The following RPS6KA6 variants were observed in gnomAD, a reference collection of about 807,000 sequenced individuals.
RPS6KA6 encodes ribosomal protein S6 kinase A6.
A neutral mutation model predicts 65.4 loss-of-function variants in RPS6KA6; 27 were observed. The observed-to-expected ratio is 0.41, with a 90% CI of 0.30 to 0.57. RPS6KA6 has a LOEUF of 0.57. RPS6KA6 is among the 20% of genes least tolerant of loss of function. The probability of loss-of-function intolerance (pLI) is 0.24; values close to 1 mark genes in which losing one functional copy is unlikely to be tolerated. For synonymous variants in RPS6KA6, 190 were observed against 184.2 expected, an observed-to-expected ratio of 1.03 and a Z score of -0.26; for missense variants, 486 against 555.6, an observed-to-expected ratio of 0.87 and a Z score of 1.26.
In RPS6KA6 at chrX:84,065,066, T is replaced by C. The variant is rs1473184881; in HGVS notation, c.2017A>G (p.Thr673Ala). ...GAGTGCTTTAATATTTGTTCAGCAGTATACCGCTGATGTGGGTCCATATGA... is the reference window on the plus strand; with the variant it reads ...GAGTGCTTTAATATTTGTTCAGCAGCATACCGCTGATGTGGGTCCATATGA... ...MLHMDPHQRY[T>A]AEQILKHSWI... Residue 673 changes from threonine to alanine, a missense_variant, in exon 21 of 22, where the codon ACT (threonine) becomes GCT (alanine). By Grantham distance (58) the Thr-to-Ala change is moderately conservative. This residue lies in a region of RPS6KA6 where 345 missense variants were observed against 375.0 expected (regional missense o/e 0.92). Transcript: ENST00000262752. 2.5e-6 allele frequency: 3 copies of C among 1,204,654 alleles called. No homozygotes were observed. The Admixed American group carries it at 6.5e-5, about 26-fold the overall frequency.
At chrX:84,092,890 C>G (rs1018160831) in intron 20 of RPS6KA6, among the ~76,000 whole-genome samples, 4 of 111,614 alleles carry the variant, frequency 3.6e-5, no homozygotes, top group Non-Finnish European at 7.5e-5. Flanking sequence ...CTCAGGTTCA[C>G]TGAAGCATTA....
At chrX:84,087,967 G>GTTGTGAAGTTCTTGTGTT (rs1243689573) in intron 20 of RPS6KA6, among the ~76,000 whole-genome samples, 1 of 111,558 alleles carries the variant, frequency 9.0e-6, no homozygotes, top group Non-Finnish European at 1.9e-5. Context: ...TTGTGATTAC[G>GTTGTGAAGTTCTTGTGTT]TTGTGAAGTT....
At chrX:84,159,896 G>A (rs188492613) in intron 2 of RPS6KA6, among the ~76,000 whole-genome samples, 10 of 110,506 alleles carry the variant, frequency 9.0e-5, no homozygotes, top group African/African-American at 2.6e-4. Context: ...GGCACAAGGA[G>A]AAGACTCATC....
At position 84,116,235 on chromosome X, in the gene RPS6KA6, G is replaced by A. The variant is rs1170990958; in HGVS notation, c.1002C>T (p.Asp334=). The part of the protein sequence containing the change: ...IKRHLFFANI[D]WDKLYKREVQ... ...AGCTTTCTACTTAACTTACATCCCA[G>A]TCAATATTTGCAAAAAACAGATGTC... is the stretch of plus-strand genomic sequence containing the variant. Residue 334 remains aspartate, a synonymous_variant, in exon 12 of 22, where the codon GAC becomes GAT. Coordinates refer to ENST00000262752, the MANE Select transcript of RPS6KA6 (RefSeq NM_014496.5). 30 of 1,127,220 alleles carry A rather than the reference G, an allele frequency of 2.7e-5. No homozygotes were observed. In the Admixed American group the frequency reaches 7.0e-4, roughly 26 times the overall value. The allele number at this position is 1,127,220 out of a possible 1,213,427, so 92.9% of individuals were successfully genotyped here.
chrX:84,116,306 A>T lies in RPS6KA6; in HGVS notation c.950-19T>A, dbSNP rs780007818. ...TCTGATCCTATAAAAAAAAGAAATGATATTTTATTTTTATGATTTTTTTTA... is the reference window on the plus strand; with the variant it reads ...TCTGATCCTATAAAAAAAAGAAATGTTATTTTATTTTTATGATTTTTTTTA... On this transcript the variant is annotated intron_variant, in intron 11 of 21. Coordinates refer to ENST00000262752, the MANE Select transcript of RPS6KA6 (RefSeq NM_014496.5). 3.0e-6 allele frequency: 3 copies of T among 1,008,152 alleles called. No individual in the cohort carries two copies. The highest frequency in any genetic ancestry group is 2.7e-6 in the Non-Finnish European group (2 of 737,792). The allele number at this position is 1,008,152 out of a possible 1,213,427, so 83.1% of individuals were successfully genotyped here.
rs1292510554 is a variant in RPS6KA6 at position 84,107,635 on chromosome X, T to C, written c.1099A>G (p.Lys367Glu). ...TFCFDPEFTA[K>E]TPKDSPGLPA... Reference sequence around the variant, plus strand: ...AAACATGCATTACCTTTAGGTGTTTTTGCAGTAAATTCAGGATCAAAACAA... The same window carrying C: ...AAACATGCATTACCTTTAGGTGTTTCTGCAGTAAATTCAGGATCAAAACAA... The change falls in exon 13 of 22, where the codon AAA (lysine) becomes GAA (glutamate). Residue 367 changes from lysine (K) to glutamate (E), a missense_variant. Transcript: ENST00000262752. 16 of 1,181,958 alleles carry C rather than the reference T, an allele frequency of 1.4e-5. No individual in the cohort carries two copies. The highest frequency in any genetic ancestry group is 1.8e-5 in the Non-Finnish European group (16 of 873,180).
intron 8 of RPS6KA6, among the ~76,000 whole-genome samples, chrX:84,133,743 A>G (rs2034944484): frequency 8.9e-6 from 1 of 111,802 alleles, no homozygotes; most frequent in Non-Finnish European, 1.9e-5. Context: ...TTTATGTATT[A>G]TATAAAAATC....
Position 84,061,029 on chromosome X carries a change from T to C in RPS6KA6, c.*3248A>G, listed in dbSNP as rs920367719. On this transcript the variant is annotated 3_prime_UTR_variant, in exon 22 of 22. Coordinates refer to ENST00000262752, the MANE Select transcript of RPS6KA6 (RefSeq NM_014496.5). ...GAGTAAGGATCACACAGAATCCTTC[T>C]GGGGATAGGGTAAATTTCGTTGATG... is the stretch of plus-strand genomic sequence containing the variant. The C allele has an allele frequency of 1.7e-4, 19 of 112,291 alleles. No individual in the cohort carries two copies. The highest frequency in any genetic ancestry group is 6.1e-4 in the African/African-American group (19 of 30,955). 9.3% of individuals were successfully genotyped at this position (112,291 alleles called of 1,213,427 possible). A position where few individuals can be genotyped will look rare whatever the true frequency, so the allele number is the denominator to read the frequency against.
intron 16 of RPS6KA6, among the ~76,000 whole-genome samples, chrX:84,105,282 A>G (rs1156650466): frequency 2.7e-5 from 3 of 111,403 alleles, no homozygotes; most frequent in East Asian, 5.6e-4. Context: ...TCTTGTATAA[A>G]GAGAAAAGAA....
Position 84,062,693 on chromosome X carries a change from T to C in RPS6KA6, c.*1584A>G, listed in dbSNP as rs1362397019. ...ATTTGTGCATGGGGTATAGATTATTTACATTACAAACAGAATATGTATAGT... is the reference window on the plus strand; with the variant it reads ...ATTTGTGCATGGGGTATAGATTATTCACATTACAAACAGAATATGTATAGT... On this transcript the variant is annotated 3_prime_UTR_variant, in exon 22 of 22. Transcript: ENST00000262752. 2 of 111,849 alleles carry C rather than the reference T, an allele frequency of 1.8e-5. No individual in the cohort carries two copies. Among genetic ancestry groups the C allele is most frequent in the Non-Finnish European group, 3.8e-5 (2 of 53,071 alleles). 9.2% of individuals were successfully genotyped at this position (111,849 alleles called of 1,213,427 possible).
chrX:84,150,964 G>A (rs1446056616), intron 3 of RPS6KA6, among the ~76,000 whole-genome samples: 1 of 94,619 alleles, frequency 1.1e-5, no homozygotes, highest in Non-Finnish European at 2.1e-5. Context: ...TATATATATA[G>A]AGGATATATA....
At position 84,065,111 on chromosome X, in the gene RPS6KA6, C is replaced by G; in HGVS notation, c.1972G>C (p.Asp658His). ...NWDNISDGAK[D>H]LLSHMLHMDP... Reference sequence around the variant, plus strand: ...ATATGAAGCATATGGGAAAGCAAATCCTAAATTAAAAAAAATGTGTGTGTA... The same window carrying G: ...ATATGAAGCATATGGGAAAGCAAATGCTAAATTAAAAAAAATGTGTGTGTA... Residue 658 changes from aspartate to histidine, a missense_variant and splice_region_variant, in exon 21 of 22, where the codon GAT becomes CAT. This residue lies in a region of RPS6KA6 where 345 missense variants were observed against 375.0 expected (regional missense o/e 0.92). Transcript: ENST00000262752. 1 of 1,167,844 alleles carries G rather than the reference C, an allele frequency of 8.6e-7. No individual in the cohort carries two copies. The highest frequency in any genetic ancestry group is 1.2e-6 in the Non-Finnish European group (1 of 867,704).
chrX:84,090,625 C>T (rs139990138), intron 20 of RPS6KA6, among the ~76,000 whole-genome samples: 1,197 of 111,345 alleles, frequency 0.011, 19 homozygotes, highest in African/African-American at 0.034. Flanking sequence ...GGGGAATGGA[C>T]GCGGGGGAAC....
chrX:84,126,678 TCAA>T (rs1374420483), intron 8 of RPS6KA6, among the ~76,000 whole-genome samples: 4 of 110,949 alleles, frequency 3.6e-5, no homozygotes, highest in African/African-American at 6.6e-5. Flanking sequence ...CAACTAGACG[TCAA>T]CAACAAGAGG....
intron 2 of RPS6KA6, among the ~76,000 whole-genome samples, chrX:84,163,819 T>C (rs2035556511): frequency 9.0e-6 from 1 of 111,579 alleles, no homozygotes. Context: ...ATCTAGGCAT[T>C]ACATAGAATG....
chrX:84,096,584 T>C, intron 19 of RPS6KA6, among the ~76,000 whole-genome samples: 1 of 111,717 alleles, frequency 9.0e-6, no homozygotes, highest in East Asian at 2.8e-4. Context: ...TGGCTTTTCA[T>C]GTAAAGCTTC....
chrX:84,064,552 T>A, intron 21 of RPS6KA6, 150 bp from the exon 22 acceptor site: 1 of 480,500 alleles, frequency 2.1e-6, no homozygotes, highest in South Asian at 6.2e-5. Flanking sequence ...CACTGATGAA[T>A]CAATATTACT....
chrX:84,100,810 TCA>T (rs1242398953), intron 18 of RPS6KA6, among the ~76,000 whole-genome samples: 1 of 111,016 alleles, frequency 9.0e-6, no homozygotes, highest in Non-Finnish European at 1.9e-5. Flanking sequence ...ATAGATTAAA[TCA>T]CATTCTCCGG....
intron 8 of RPS6KA6, among the ~76,000 whole-genome samples, chrX:84,128,463 T>A: frequency 9.0e-6 from 1 of 110,674 alleles, no homozygotes; most frequent in Non-Finnish European, 1.9e-5. Context: ...CACAATACCT[T>A]TCAAAGTAGA....
Sources: gnomAD v4.1 joint callset for allele counts (sites outside exome capture counted in the v4.1 genomes callset) on GRCh38, gnomAD v4.1.1 for gene constraint, gnomAD v4.1.1 regional missense constraint, MANE v1.5 for transcripts, NCBI Gene and HGNC (gene_info 2026-07-23, HGNC 2026-07-21) for gene names.